VTA1: variants seen among roughly 807,000 people sequenced by gnomAD.
VTA1 encodes the protein vesicle trafficking 1.
Under a neutral mutation model 36.9 loss-of-function variants are expected in VTA1, and 24 were observed. The ratio of observed to expected loss-of-function variants is 0.65; its 90% confidence interval spans 0.47 to 0.91. VTA1 has a LOEUF of 0.91. Ranked by LOEUF, VTA1 falls within the 40% of genes least tolerant of loss-of-function variation. The pLI is 0.00. For missense variants in VTA1, 393 were observed against 377.2 expected (o/e 1.04, Z -0.35); for synonymous variants, 142 against 130.2 (o/e 1.09, Z -0.62).
At chr6:142,156,379 C>G (rs1462371183) in intron 1 of VTA1, among the ~76,000 whole-genome samples, 11 of 152,022 alleles carry the variant, frequency 7.2e-5, no homozygotes, top group South Asian at 4.1e-4. Context: ...TCGGAGATTC[C>G]CCTAAGTGGA....
Position 142,221,647 on chromosome 6 carries a change from C to T in VTA1, c.*3004C>T, listed in dbSNP as rs887242126. 4.0e-5 allele frequency: 6 copies of T among 151,784 alleles called. No homozygotes were observed. Among genetic ancestry groups the T allele is most frequent in the Non-Finnish European group, 8.8e-5 (6 of 67,962 alleles). The allele number at this position is 151,784 out of a possible 1,614,324, so 9.4% of individuals were successfully genotyped here. On this transcript the variant is annotated 3_prime_UTR_variant, in exon 8 of 8. Coordinates refer to ENST00000367630, the MANE Select transcript of VTA1 (RefSeq NM_016485.5). The stretch of plus-strand genomic sequence containing the variant: ...GTAAGTAAGGGAGGAAGCTGGGAGA[C>T]CAGTTAAAAAGAGTATTAACAATAG...
At chr6:142,196,615 C>G (rs960773230) in intron 5 of VTA1, among the ~76,000 whole-genome samples, 1 of 151,686 alleles carries the variant, frequency 6.6e-6, no homozygotes, top group African/African-American at 2.4e-5. Context: ...TTGTCTCTTT[C>G]ATTTGTTATG....
intron 1 of VTA1, among the ~76,000 whole-genome samples, chr6:142,147,818 G>T (rs550800046): frequency 6.6e-6 from 1 of 152,208 alleles, no homozygotes; most frequent in Non-Finnish European, 1.5e-5. Flanking sequence ...ATAGTAATAA[G>T]TGAATATTAT....
At chr6:142,158,527 C>G (rs1024476838) in intron 1 of VTA1, among the ~76,000 whole-genome samples, 8 of 152,122 alleles carry the variant, frequency 5.3e-5, no homozygotes, top group African/African-American at 1.9e-4. Context: ...TATTATTATT[C>G]CAGTTCAGTG....
intron 5 of VTA1, among the ~76,000 whole-genome samples, chr6:142,193,008 G>A (rs1173525583): frequency 6.6e-6 from 1 of 151,938 alleles, no homozygotes; most frequent in Non-Finnish European, 1.5e-5. Flanking sequence ...TCAGATTTTA[G>A]CAGTTGACTC....
chr6:142,194,957 A>T (rs1775518536), intron 5 of VTA1, among the ~76,000 whole-genome samples: 1 of 152,028 alleles, frequency 6.6e-6, no homozygotes, highest in Admixed American at 6.5e-5. Context: ...TGATTTTCAA[A>T]TGTTGAACCA....
At chr6:142,170,513 A>AT in intron 4 of VTA1, 92 bp downstream of exon 4, 1 of 838,544 alleles carries the variant, frequency 1.2e-6, no homozygotes. Flanking sequence ...TTACAGCAGA[A>AT]TGTCTGTCAG....
At chr6:142,183,192 CT>C (rs1409868181) in intron 4 of VTA1, among the ~76,000 whole-genome samples, 1 of 152,166 alleles carries the variant, frequency 6.6e-6, no homozygotes, top group Middle Eastern at 3.2e-3. Context: ...AATCTGTAAC[CT>C]TGACAAAAGC....
chr6:142,191,837 C>T (rs1332610116), intron 5 of VTA1, among the ~76,000 whole-genome samples: 2 of 151,818 alleles, frequency 1.3e-5, no homozygotes, highest in Non-Finnish European at 2.9e-5. Flanking sequence ...TTCTTTAAGA[C>T]TTTGATTTGT....
At chr6:142,199,524 T>C (rs1045989898) in intron 6 of VTA1, among the ~76,000 whole-genome samples, 6 of 152,158 alleles carry the variant, frequency 3.9e-5, no homozygotes, top group Non-Finnish European at 8.8e-5. Flanking sequence ...GTTCCTATTA[T>C]GTAACACACT....
At chr6:142,198,758 A>G in intron 6 of VTA1, 143 bp downstream of exon 6, 1 of 743,242 alleles carries the variant, frequency 1.3e-6, no homozygotes, top group East Asian at 2.9e-5. Context: ...AAGAAACATT[A>G]AATTATTTTC....
intron 5 of VTA1, among the ~76,000 whole-genome samples, chr6:142,190,427 C>A (rs1466968086): frequency 6.6e-6 from 1 of 151,784 alleles, no homozygotes; most frequent in African/African-American, 2.4e-5. Context: ...CTGTTCTGTA[C>A]CTGGCTATGT....
chr6:142,198,029 A>G lies in VTA1; in HGVS notation c.521-410A>G, dbSNP rs992578897. Among the ~76,000 whole-genome samples, 3 of 151,388 alleles carry G rather than the reference A, an allele frequency of 2.0e-5. 1 individual carries two copies. The highest frequency in any genetic ancestry group is 7.3e-5 in the African/African-American group (3 of 41,292). On this transcript the variant is annotated intron_variant, in intron 5 of 7. Coordinates refer to ENST00000367630, the MANE Select transcript of VTA1 (RefSeq NM_016485.5). Reference sequence around the variant, plus strand: ...GGAGAATGGCGTGAACCTGGGAGGTAGAGCTTGCCGTGAGCTGAGATCACG... The same window carrying G: ...GGAGAATGGCGTGAACCTGGGAGGTGGAGCTTGCCGTGAGCTGAGATCACG...
In VTA1 at chr6:142,221,675, C is replaced by T. The variant is rs1038527259; in HGVS notation, c.*3032C>T. On this transcript the variant is annotated 3_prime_UTR_variant, in exon 8 of 8. Coordinates refer to ENST00000367630, the MANE Select transcript of VTA1 (RefSeq NM_016485.5). ...GTTAAAAAGAGTATTAACAATAGGC[C>T]GGGGGCGGTGGTTCGCACCTGCAAT... The T allele has an allele frequency of 1.3e-5, 2 of 151,524 alleles. No individual in the cohort carries two copies. Among genetic ancestry groups the T allele is most frequent in the South Asian group, 2.1e-4 (1 of 4,800 alleles). 9.4% of individuals were successfully genotyped at this position (151,524 alleles called of 1,614,324 possible).
intron 4 of VTA1, among the ~76,000 whole-genome samples, chr6:142,180,929 G>T (rs943780015): frequency 2.0e-5 from 3 of 151,402 alleles, no homozygotes; most frequent in East Asian, 1.9e-4. Flanking sequence ...CAAAGGACGT[G>T]ATTGGGACAA....
chr6:142,177,712 G>A (rs571843374), intron 4 of VTA1, among the ~76,000 whole-genome samples: 19 of 152,210 alleles, frequency 1.2e-4, no homozygotes, highest in Admixed American at 1.1e-3. Context: ...TCCATTCTAA[G>A]TACTAAATGT....
intron 6 of VTA1, among the ~76,000 whole-genome samples, chr6:142,201,028 G>GT (rs1309380067): frequency 2.0e-5 from 3 of 151,708 alleles, no homozygotes; most frequent in Non-Finnish European, 3.0e-5. Context: ...TTGAATCCAC[G>GT]TTTTTTTGAC....
chr6:142,166,272 A>G lies in VTA1; in HGVS notation c.157A>G (p.Thr53Ala), dbSNP rs1774913436. Residue 53 changes from threonine to alanine, a missense_variant, in exon 2 of 8, where the codon ACT becomes GCT. Transcript: ENST00000367630. ...MQTGMKIDSK[T>A]PECRKFLSKL... ...GACTGGAATGAAGATCGATAGTAAAACTCCTGAATGTCGCAAATTTTTATC... is the reference window on the plus strand; with the variant it reads ...GACTGGAATGAAGATCGATAGTAAAGCTCCTGAATGTCGCAAATTTTTATC... 4.3e-6 allele frequency: 7 copies of G among 1,612,278 alleles called. No homozygotes were observed. The East Asian group carries it at 1.6e-4, about 36-fold the overall frequency.
chr6:142,215,784 C>T (rs1222253491), intron 7 of VTA1, among the ~76,000 whole-genome samples: 2 of 152,132 alleles, frequency 1.3e-5, no homozygotes, highest in Non-Finnish European at 2.9e-5. Flanking sequence ...GATATATCAA[C>T]CTTGGAAATG....
Sources: gnomAD v4.1 joint callset for allele counts (sites outside exome capture counted in the v4.1 genomes callset) on GRCh38, gnomAD v4.1.1 for gene constraint, MANE v1.5 for transcripts, NCBI Gene and HGNC (gene_info 2026-07-23, HGNC 2026-07-21) for gene names.